NAALADL2: variants seen among roughly 807,000 people sequenced by gnomAD.
The protein encoded by NAALADL2 is inactive N-acetylated-alpha-linked acidic dipeptidase-like protein 2.
In NAALADL2, 76 loss-of-function variants were observed where a neutral mutation model predicts 87.2. That is an observed-to-expected ratio of 0.87 (90% CI 0.72 to 1.05). NAALADL2 has a LOEUF of 1.05. Among genes scored for constraint, NAALADL2 ranks in the 50% least tolerant of loss-of-function variants. The pLI is 0.00. For missense variants in NAALADL2, 1,089 were observed against 945.8 expected (o/e 1.15, Z -1.99); for synonymous variants, 354 against 331.0 (o/e 1.07, Z -0.75).
chr3:175,529,301 A>C (rs1733804519), intron 9 of NAALADL2, among the ~76,000 whole-genome samples: 1 of 152,204 alleles, frequency 6.6e-6, no homozygotes, highest in Non-Finnish European at 1.5e-5. Context: ...GGCAATCTTA[A>C]CTTCCAGTTT....
At chr3:175,252,502 C>T (rs1245438862) in intron 3 of NAALADL2, among the ~76,000 whole-genome samples, 5 of 152,150 alleles carry the variant, frequency 3.3e-5, no homozygotes, top group Admixed American at 6.6e-5. Flanking sequence ...CTGGGCCTCC[C>T]TCTCCTGGGC....
At chr3:175,070,952 C>A (rs764155187) in intron 1 of NAALADL2, among the ~76,000 whole-genome samples, 18 of 151,994 alleles carry the variant, frequency 1.2e-4, no homozygotes, top group Non-Finnish European at 2.4e-4. Flanking sequence ...TTAAGACATA[C>A]GATCTCAGTG....
intron 1 of NAALADL2, among the ~76,000 whole-genome samples, chr3:175,060,985 G>T (rs900397949): frequency 6.6e-6 from 1 of 152,182 alleles, no homozygotes; most frequent in Non-Finnish European, 1.5e-5. Context: ...GGTGGAGGTT[G>T]CAGTGAGCTG....
chr3:175,609,671 T>C (rs2149669332), intron 10 of NAALADL2: 1 of 152,314 alleles, frequency 6.6e-6, no homozygotes, highest in South Asian at 2.1e-4. Context: ...CTCAACCTTT[T>C]TTCTTTCATT....
At chr3:175,067,373 A>G (rs1228870812) in intron 1 of NAALADL2, among the ~76,000 whole-genome samples, 1 of 152,156 alleles carries the variant, frequency 6.6e-6, no homozygotes, top group Admixed American at 6.6e-5. Context: ...TCTAGATTTC[A>G]TAAGAAACTT....
chr3:175,002,690 G>T (rs954931128), intron 1 of NAALADL2, among the ~76,000 whole-genome samples: 59 of 152,312 alleles, frequency 3.9e-4, no homozygotes, highest in African/African-American at 1.4e-3. Flanking sequence ...AAGCAGCAGA[G>T]AAATTCATCG....
intron 11 of NAALADL2, among the ~76,000 whole-genome samples, chr3:175,699,713 G>A (rs1010561677): frequency 6.6e-5 from 10 of 151,698 alleles, no homozygotes; most frequent in Admixed American, 5.3e-4. Flanking sequence ...ATACAAATCA[G>A]TATATTTATT....
intron 9 of NAALADL2, among the ~76,000 whole-genome samples, chr3:175,517,021 A>G (rs1232681629): frequency 6.6e-6 from 1 of 151,438 alleles, no homozygotes; most frequent in Non-Finnish European, 1.5e-5. Flanking sequence ...TTCAAGAACA[A>G]CTCTTCTTTC....
chr3:175,130,655 G>C (rs1297217797), intron 2 of NAALADL2, among the ~76,000 whole-genome samples: 3 of 152,144 alleles, frequency 2.0e-5, no homozygotes, highest in African/African-American at 4.8e-5. Context: ...TGAACACCAG[G>C]AGGCCATTGA....
At chr3:174,605,710 C>A (rs531870232) in intron 2 of NAALADL2, among the ~76,000 whole-genome samples, 15 of 152,260 alleles carry the variant, frequency 9.9e-5, no homozygotes, top group African/African-American at 3.1e-4. Flanking sequence ...GGCCTGCCTG[C>A]CTCTGTAGGC....
At chr3:175,173,903 T>C (rs1210405083) in intron 2 of NAALADL2, among the ~76,000 whole-genome samples, 2 of 152,222 alleles carry the variant, frequency 1.3e-5, no homozygotes, top group African/African-American at 4.8e-5. Context: ...AGAATAATTG[T>C]CAATATTTTA....
chr3:175,132,745 A>G (rs1220963258), intron 2 of NAALADL2, among the ~76,000 whole-genome samples: 176 of 119,662 alleles, frequency 1.5e-3, no homozygotes, highest in South Asian at 3.3e-3. Flanking sequence ...GGGCAGAGGC[A>G]CCCCTCACCT....
intron 1 of NAALADL2, among the ~76,000 whole-genome samples, chr3:174,885,802 A>T (rs1730022123): frequency 6.6e-6 from 1 of 151,292 alleles, no homozygotes; most frequent in Admixed American, 6.6e-5. Flanking sequence ...CATAAAAATT[A>T]AGTATTAACT....
At chr3:175,664,711 T>A (rs962674340) in intron 11 of NAALADL2, among the ~76,000 whole-genome samples, 2 of 152,164 alleles carry the variant, frequency 1.3e-5, no homozygotes, top group East Asian at 3.8e-4. Flanking sequence ...ATTATAAGCC[T>A]TTTCACCTGT....
chr3:174,707,957 A>G (rs941668038), intron 2 of NAALADL2, among the ~76,000 whole-genome samples: 6 of 152,210 alleles, frequency 3.9e-5, no homozygotes, highest in African/African-American at 9.6e-5. Context: ...GGATAGTTCC[A>G]TAAACATACT....
chr3:174,870,923 C>G (rs1222386101), intron 1 of NAALADL2, among the ~76,000 whole-genome samples: 1 of 152,090 alleles, frequency 6.6e-6, no homozygotes, highest in Non-Finnish European at 1.5e-5. Flanking sequence ...ATAGTGCTTT[C>G]TGTTTTGGTG....
At chr3:175,736,983 C>T (rs757499934) in intron 11 of NAALADL2, among the ~76,000 whole-genome samples, 18 of 152,054 alleles carry the variant, frequency 1.2e-4, no homozygotes, top group Admixed American at 4.6e-4. Flanking sequence ...TGTGATACTA[C>T]GAACTGTAAG....
intron 1 of NAALADL2, among the ~76,000 whole-genome samples, chr3:175,086,385 A>G (rs1365873192): frequency 1.3e-5 from 2 of 152,102 alleles, no homozygotes; most frequent in African/African-American, 4.8e-5. Context: ...AAACATATAT[A>G]AATTTAAAAA....
At chr3:174,731,559 G>A (rs1732708162) in intron 2 of NAALADL2, among the ~76,000 whole-genome samples, 2 of 152,118 alleles carry the variant, frequency 1.3e-5, no homozygotes, top group African/African-American at 4.8e-5. Flanking sequence ...GCCAGGCCAA[G>A]TCATCATGGT....
Sources: allele counts gnomAD v4.1 joint callset (sites outside exome capture counted in the v4.1 genomes callset), GRCh38; gene constraint gnomAD v4.1.1; transcripts MANE v1.5; gene names NCBI Gene and HGNC (gene_info 2026-07-23, HGNC 2026-07-21).